Variants in FAM13A observed in about 807,000 individuals in gnomAD.
FAM13A encodes family with sequence similarity 13 member A.
In FAM13A, 76 loss-of-function variants were observed where a neutral mutation model predicts 129.6. That is an observed-to-expected ratio of 0.59 (90% CI 0.49 to 0.71). The LOEUF (loss-of-function observed/expected upper bound fraction) is 0.71. FAM13A is among the 30% of genes least tolerant of loss of function. FAM13A has a pLI of 0.00. For synonymous variants in FAM13A, 443 were observed against 449.9 expected (o/e 0.98, Z 0.20); for missense variants, 1,108 against 1,249.3 (o/e 0.89, Z 1.70).
At chr4:88,979,336 T>C (rs1349277279) in intron 4 of FAM13A, among the ~76,000 whole-genome samples, 2 of 152,154 alleles carry the variant, frequency 1.3e-5, no homozygotes, top group African/African-American at 4.8e-5. Flanking sequence ...TAAAAGTACA[T>C]CCAACAAAAA....
chr4:88,741,981 C>T (rs758905187), intron 19 of FAM13A, among the ~76,000 whole-genome samples: 10 of 152,138 alleles, frequency 6.6e-5, no homozygotes, highest in Non-Finnish European at 1.5e-4. Context: ...ATCTTTTAAA[C>T]ACAAGATATA....
At chr4:88,955,711 T>G (rs1035280991) in intron 4 of FAM13A, among the ~76,000 whole-genome samples, 1 of 152,136 alleles carries the variant, frequency 6.6e-6, no homozygotes. Context: ...ATGAGGAATT[T>G]TGGGGGAAGT....
intron 7 of FAM13A, among the ~76,000 whole-genome samples, chr4:88,821,752 C>T (rs1031582082): frequency 7.9e-5 from 12 of 152,274 alleles, no homozygotes; most frequent in South Asian, 4.1e-4. Context: ...ACTGAGTTCA[C>T]GTAGAAAAAT....
At chr4:88,739,323 T>C (rs1287591364) in intron 19 of FAM13A, among the ~76,000 whole-genome samples, 198 bp from the exon 20 acceptor site, 3 of 152,158 alleles carry the variant, frequency 2.0e-5, no homozygotes, top group Admixed American at 6.6e-5. Flanking sequence ...CAGCTGCAGA[T>C]CAGTGGAAGT....
intron 7 of FAM13A, among the ~76,000 whole-genome samples, chr4:88,819,582 A>G (rs1731489851): frequency 1.3e-5 from 2 of 152,206 alleles, no homozygotes; most frequent in Admixed American, 1.3e-4. Context: ...CCTGTGGTAC[A>G]AACTAGGCCT....
chr4:89,033,848 A>G (rs1260545373), intron 1 of FAM13A, among the ~76,000 whole-genome samples: 2 of 152,332 alleles, frequency 1.3e-5, no homozygotes, highest in Admixed American at 6.5e-5. Flanking sequence ...CCCATTCAAT[A>G]AATGGTGCTG....
chr4:88,962,475 A>C (rs1223956262), intron 4 of FAM13A, among the ~76,000 whole-genome samples: 1 of 152,200 alleles, frequency 6.6e-6, no homozygotes, highest in Admixed American at 6.5e-5. Context: ...GGTGGGAAAA[A>C]CAGAGAGTTT....
intron 7 of FAM13A, among the ~76,000 whole-genome samples, chr4:88,814,344 AT>A (rs887943093): frequency 1.3e-5 from 2 of 152,070 alleles, no homozygotes; most frequent in African/African-American, 4.8e-5. Context: ...TCACGTAGGC[AT>A]TTTTTTGGGA....
intron 6 of FAM13A, among the ~76,000 whole-genome samples, chr4:88,881,182 C>T (rs2150126213): frequency 2.0e-5 from 3 of 152,314 alleles, no homozygotes; most frequent in African/African-American, 7.2e-5. Flanking sequence ...TAAAACTAGC[C>T]CAATAAACAA....
chr4:88,876,633 C>T (rs1302530720), intron 6 of FAM13A, among the ~76,000 whole-genome samples: 1 of 152,060 alleles, frequency 6.6e-6, no homozygotes, highest in African/African-American at 2.4e-5. Context: ...GCTCTGTCGC[C>T]GAGGCTGGAG....
chr4:88,871,708 T>C (rs923950326), intron 6 of FAM13A, among the ~76,000 whole-genome samples: 4 of 152,168 alleles, frequency 2.6e-5, no homozygotes, highest in South Asian at 2.1e-4. Context: ...TGGAACCAAG[T>C]TGGAAAACAC....
intron 7 of FAM13A, among the ~76,000 whole-genome samples, chr4:88,847,738 T>A (rs1736888631): frequency 6.6e-6 from 1 of 152,098 alleles, no homozygotes; most frequent in South Asian, 2.1e-4. Flanking sequence ...ATTGCGACCA[T>A]CCTGGCTAAC....
intron 14 of FAM13A, among the ~76,000 whole-genome samples, chr4:88,753,188 C>T (rs1742980466): frequency 6.6e-6 from 1 of 152,178 alleles, no homozygotes; most frequent in South Asian, 2.1e-4. Flanking sequence ...TAGGTGGTCT[C>T]TGTGTATACA....
chr4:88,935,726 A>G (rs1291079219), intron 5 of FAM13A, among the ~76,000 whole-genome samples: 1 of 152,138 alleles, frequency 6.6e-6, no homozygotes, highest in East Asian at 1.9e-4. Context: ...TTTTCTAAGC[A>G]TTGTCAATGT....
chr4:89,008,311 G>A (rs1765317717), intron 3 of FAM13A, among the ~76,000 whole-genome samples: 1 of 152,146 alleles, frequency 6.6e-6, no homozygotes, highest in African/African-American at 2.4e-5. Flanking sequence ...AGGCCACAAG[G>A]GTTGGCTCCT....
intron 5 of FAM13A, among the ~76,000 whole-genome samples, chr4:88,923,085 G>A (rs935990773): frequency 6.6e-6 from 1 of 152,084 alleles, no homozygotes; most frequent in Admixed American, 6.6e-5. Context: ...AAGGGTCCAG[G>A]ACCAGATGGA....
At chr4:88,854,719 C>T (rs926518703) in intron 6 of FAM13A, among the ~76,000 whole-genome samples, 1 of 152,150 alleles carries the variant, frequency 6.6e-6, no homozygotes, top group Non-Finnish European at 1.5e-5. Flanking sequence ...CAAACAATTA[C>T]AGGAATCTCA....
intron 5 of FAM13A, among the ~76,000 whole-genome samples, chr4:88,929,424 A>G (rs960528902): frequency 6.6e-6 from 1 of 152,068 alleles, no homozygotes; most frequent in Non-Finnish European, 1.5e-5. Context: ...CTATATCTGG[A>G]TGTCTAACTT....
intron 13 of FAM13A, among the ~76,000 whole-genome samples, chr4:88,759,710 A>C (rs1297540489): frequency 6.6e-6 from 1 of 152,202 alleles, no homozygotes; most frequent in Non-Finnish European, 1.5e-5. Flanking sequence ...ATCTACTCTG[A>C]ATATTAAATA....
Sources: allele counts gnomAD v4.1 joint callset (sites outside exome capture counted in the v4.1 genomes callset), GRCh38; gene constraint gnomAD v4.1.1; transcripts MANE v1.5; gene names NCBI Gene and HGNC (gene_info 2026-07-23, HGNC 2026-07-21).